Variants in SPON1 observed in about 807,000 individuals in gnomAD.
The protein encoded by SPON1 is spondin 1.
In SPON1, 52 loss-of-function variants were observed where a neutral mutation model predicts 111.7. The ratio of observed to expected loss-of-function variants is 0.47; its 90% confidence interval spans 0.37 to 0.59. The LOEUF (loss-of-function observed/expected upper bound fraction) is 0.59, where lower values mean the gene tolerates loss of function less well. Ranked by LOEUF, SPON1 falls within the 20% of genes least tolerant of loss-of-function variation. SPON1 has a pLI of 0.00. For synonymous variants in SPON1, 410 were observed against 395.8 expected (o/e 1.04, Z -0.43); for missense variants, 957 against 1,068.5 (o/e 0.90, Z 1.46).
At chr11:14,155,522 T>G (rs547050838) in intron 6 of SPON1, among the ~76,000 whole-genome samples, 1 of 151,664 alleles carries the variant, frequency 6.6e-6, no homozygotes, top group Admixed American at 6.6e-5. Context: ...TATTATACTT[T>G]AAGTTTTAGG....
chr11:14,078,672 A>AC (rs1345037262), intron 4 of SPON1, among the ~76,000 whole-genome samples: 2 of 152,150 alleles, frequency 1.3e-5, no homozygotes, highest in Non-Finnish European at 2.9e-5. Context: ...TGAACAGGTT[A>AC]CCTAATCTGC....
At chr11:14,006,925 T>G (rs1377983262) in intron 2 of SPON1, among the ~76,000 whole-genome samples, 2 of 152,192 alleles carry the variant, frequency 1.3e-5, no homozygotes, top group Non-Finnish European at 2.9e-5. Flanking sequence ...TATCTTACAA[T>G]TCTGGGGTCC....
intron 5 of SPON1, among the ~76,000 whole-genome samples, chr11:14,098,089 G>A (rs760790305): frequency 2.0e-4 from 30 of 152,154 alleles, no homozygotes; most frequent in South Asian, 8.3e-4. Flanking sequence ...TCCGCCTCCC[G>A]GGTTCACACC....
At chr11:14,258,625 C>T (rs1377004523) in intron 11 of SPON1, among the ~76,000 whole-genome samples, 7 of 152,196 alleles carry the variant, frequency 4.6e-5, no homozygotes, top group South Asian at 2.1e-4. Context: ...ACTTCCAAGC[C>T]GAGGATAAAG....
intron 2 of SPON1, among the ~76,000 whole-genome samples, chr11:13,997,195 G>T (rs1848280137): frequency 6.6e-6 from 1 of 152,130 alleles, no homozygotes; most frequent in Non-Finnish European, 1.5e-5. Context: ...CAGTGTCAGT[G>T]GTGGGCACAC....
At chr11:14,044,713 T>A (rs1451299562) in intron 3 of SPON1, among the ~76,000 whole-genome samples, 1 of 152,238 alleles carries the variant, frequency 6.6e-6, no homozygotes, top group Non-Finnish European at 1.5e-5. Flanking sequence ...GCTTTAGACT[T>A]ATCTCTGCTT....
chr11:14,229,832 C>T (rs782231533), intron 6 of SPON1, among the ~76,000 whole-genome samples: 6 of 152,144 alleles, frequency 3.9e-5, no homozygotes, highest in African/African-American at 7.2e-5. Flanking sequence ...ATTCCTGCTC[C>T]GTGAGCCACG....
chr11:14,062,218 C>A (rs1193853808), intron 3 of SPON1, among the ~76,000 whole-genome samples: 1 of 152,186 alleles, frequency 6.6e-6, no homozygotes, highest in Non-Finnish European at 1.5e-5. Context: ...ATATTCAGAA[C>A]CCTTGCTGGG....
intron 6 of SPON1, among the ~76,000 whole-genome samples, chr11:14,200,463 T>G (rs1323579991): frequency 1.3e-5 from 2 of 152,202 alleles, no homozygotes; most frequent in Non-Finnish European, 2.9e-5. Context: ...CTATAAAGAT[T>G]TTTTGTTGAC....
intron 3 of SPON1, among the ~76,000 whole-genome samples, chr11:14,059,918 A>C (rs1226135327): frequency 6.6e-6 from 1 of 152,206 alleles, no homozygotes; most frequent in African/African-American, 2.4e-5. Context: ...GCATTCTGTT[A>C]GGCAAAGCTT....
At chr11:14,134,341 T>C (rs1554927818) in intron 5 of SPON1, among the ~76,000 whole-genome samples, 1 of 151,912 alleles carries the variant, frequency 6.6e-6, no homozygotes, top group Non-Finnish European at 1.5e-5. Flanking sequence ...TCCAGTAAGG[T>C]GCTGATACTA....
At chr11:14,248,200 G>A (rs1048609403) in intron 7 of SPON1, among the ~76,000 whole-genome samples, 4 of 152,152 alleles carry the variant, frequency 2.6e-5, no homozygotes, top group Non-Finnish European at 2.9e-5. Flanking sequence ...GTGACCTTAC[G>A]GAGAATCCTT....
chr11:13,980,597 G>T lies in SPON1; in HGVS notation c.239-2250G>T, dbSNP rs182355068. On this transcript the variant is annotated intron_variant, in intron 1 of 15. Transcript: ENST00000576479. ...TAGGGTACATGTGCACAACGTGCAG[G>T]TTTGTTACATGTGTATACATTAGGG... Among the ~76,000 whole-genome samples, 24 of 151,802 alleles carry T rather than the reference G, an allele frequency of 1.6e-4. No individual in the cohort carries two copies. The East Asian group carries it at 4.4e-3, about 28-fold the overall frequency.
Position 14,049,544 on chromosome 11 carries a change from A to C in SPON1, c.479+7890A>C, listed in dbSNP as rs563863748. Among the ~76,000 whole-genome samples the C allele has an allele frequency of 7.9e-5, 12 of 152,264 alleles. No individual in the cohort carries two copies. In the South Asian group the frequency reaches 1.5e-3, roughly 18 times the overall value. On this transcript the variant is annotated intron_variant, in intron 3 of 15. Transcript: ENST00000576479. ...AGGTTCCTCACCAGCCTTCCACTGC[A>C]TCTCTCTCTCTGAACTCTGAATCCT...
At chr11:14,245,147 G>A (rs1848975045) in intron 7 of SPON1, among the ~76,000 whole-genome samples, 1 of 152,208 alleles carries the variant, frequency 6.6e-6, no homozygotes, top group Admixed American at 6.5e-5. Flanking sequence ...GGATAGGAAG[G>A]GAGGAAAGTG....
intron 6 of SPON1, among the ~76,000 whole-genome samples, chr11:14,178,207 G>A (rs1848200227): frequency 6.6e-6 from 1 of 152,074 alleles, no homozygotes; most frequent in Non-Finnish European, 1.5e-5. Flanking sequence ...TGGATCACAA[G>A]GTCAGGAGAT....
intron 1 of SPON1, among the ~76,000 whole-genome samples, chr11:13,980,506 A>T (rs1428498618): frequency 1.3e-5 from 2 of 152,040 alleles, no homozygotes; most frequent in African/African-American, 4.8e-5. Flanking sequence ...ATTATCCAAG[A>T]CAGTGGTTTT....
intron 6 of SPON1, among the ~76,000 whole-genome samples, chr11:14,193,336 C>T (rs1169482398): frequency 6.6e-6 from 1 of 152,180 alleles, no homozygotes; most frequent in East Asian, 1.9e-4. Context: ...CCAAGCCTCA[C>T]TCGCACTGCC....
chr11:13,976,868 A>C (rs1848107267), intron 1 of SPON1, among the ~76,000 whole-genome samples: 1 of 152,090 alleles, frequency 6.6e-6, no homozygotes, highest in African/African-American at 2.4e-5. Flanking sequence ...TTTCCTGTAC[A>C]TGTTACTACT....
Sources: allele counts gnomAD v4.1 joint callset (sites outside exome capture counted in the v4.1 genomes callset), GRCh38; gene constraint gnomAD v4.1.1; transcripts MANE v1.5; gene names NCBI Gene and HGNC (gene_info 2026-07-23, HGNC 2026-07-21).